TM4SF4: variants seen among roughly 807,000 people sequenced by gnomAD.
TM4SF4 encodes the protein transmembrane 4 L six family member 4, also known as transmembrane 4 L6 family member 4.
In TM4SF4, 24 loss-of-function variants were observed where a neutral mutation model predicts 24.1. The ratio of observed to expected loss-of-function variants is 1.00; its 90% confidence interval spans 0.72 to 1.40. TM4SF4 has a LOEUF of 1.40. Among genes scored for constraint, TM4SF4 ranks in the 40% most tolerant of loss-of-function variants. TM4SF4 has a pLI of 0.00. For missense variants in TM4SF4, 254 were observed against 254.2 expected (o/e 1.00, Z 0.01); for synonymous variants, 113 against 97.0 (o/e 1.17, Z -0.97).
At chr3:149,485,393 A>G (rs1320353486) in intron 2 of TM4SF4, among the ~76,000 whole-genome samples, 1 of 152,206 alleles carries the variant, frequency 6.6e-6, no homozygotes, top group Non-Finnish European at 1.5e-5. Context: ...AATGTTCTGG[A>G]TGCTGAGAGT....
Position 149,474,881 on chromosome 3 carries a change from T to C in TM4SF4, c.4T>C (p.Cys2Arg), listed in dbSNP as rs1472114202. M[C>R]TGGCARCLGG... ...ACCTGTGTCGTACCACCCCAGAATG[T>C]GCACTGGGGGCTGTGCCAGATGCCT... The change falls in exon 1 of 5, where the codon TGC (cysteine) becomes CGC (arginine). Residue 2 changes from cysteine to arginine, a missense_variant. Coordinates refer to ENST00000305354, the MANE Select transcript of TM4SF4 (RefSeq NM_004617.4). The C allele has an allele frequency of 3.1e-6, 5 of 1,611,858 alleles. No homozygotes were observed. The highest frequency in any genetic ancestry group is 4.2e-6 in the Non-Finnish European group (5 of 1,179,224).
chr3:149,501,974 T>A (rs1734435820), intron 4 of TM4SF4, among the ~76,000 whole-genome samples: 1 of 152,208 alleles, frequency 6.6e-6, no homozygotes, highest in African/African-American at 2.4e-5. Flanking sequence ...CTGTAAAATG[T>A]GGCTATTAAT....
At chr3:149,495,045 A>C (rs1165145418) in intron 3 of TM4SF4, 1 of 245,926 alleles carries the variant, frequency 4.1e-6, no homozygotes, top group African/African-American at 2.3e-5. Context: ...AGACCCATGA[A>C]CATGCCCTTC....
rs9799030 is a variant in TM4SF4 at position 149,498,842 on chromosome 3, C to T, written c.522C>T (p.Cys174=). 147,375 of 1,613,832 alleles carry T rather than the reference C, an allele frequency of 0.091. 11,719 individuals are homozygous for T. The highest frequency in any genetic ancestry group is 0.39 in the East Asian group (17,393 of 44,854). ...LVVGGIQMVL[C]AIQVVNGLLG... ...TAGGAGGAATCCAGATGGTTCTCTG[C>T]GCCATCCAGGTGGTCAATGGCCTCC... The change falls in exon 4 of 5, where the codon TGC becomes TGT. Residue 174 remains cysteine (C), a synonymous_variant. Transcript: ENST00000305354.
intron 2 of TM4SF4, among the ~76,000 whole-genome samples, chr3:149,483,229 T>C (rs1734064950): frequency 6.6e-6 from 1 of 152,198 alleles, no homozygotes; most frequent in African/African-American, 2.4e-5. Context: ...CCTAGAGTTA[T>C]ACTAGCTGTA....
intron 2 of TM4SF4, among the ~76,000 whole-genome samples, chr3:149,485,032 G>T (rs1734092972): frequency 1.3e-5 from 2 of 152,102 alleles, no homozygotes; most frequent in East Asian, 3.8e-4. Flanking sequence ...TCTTCTCTAG[G>T]CAGTACTTGG....
intron 2 of TM4SF4, 56 bp from the exon 3 acceptor site, chr3:149,487,563 G>A (rs1193535407): frequency 6.2e-7 from 1 of 1,605,924 alleles, no homozygotes; most frequent in East Asian, 2.2e-5. Context: ...TAGGTTTGTT[G>A]AGTGTATCCT....
In TM4SF4 at chr3:149,486,118, A is replaced by T. The variant is rs570812784; in HGVS notation, c.265-1501A>T. ...ATTATTACATAGATTCCAATCACCC[A>T]GGCACGATCAGGTCCTCTTCACCTT... On this transcript the variant is annotated intron_variant, in intron 2 of 4. Transcript: ENST00000305354. Among the ~76,000 whole-genome samples the T allele has an allele frequency of 6.6e-5, 10 of 152,328 alleles. No individual in the cohort carries two copies. The South Asian group carries it at 1.9e-3, about 28-fold the overall frequency.
At chr3:149,476,957 C>T (rs985104518) in intron 2 of TM4SF4, among the ~76,000 whole-genome samples, 12 of 151,532 alleles carry the variant, frequency 7.9e-5, no homozygotes, top group Non-Finnish European at 1.5e-4. Context: ...TGCCACCCCA[C>T]GCAGCTGATT....
At chr3:149,495,142 G>A (rs67483870) in intron 3 of TM4SF4, 21,574 of 239,062 alleles carry the variant, frequency 0.09, 1,889 homozygotes, top group East Asian at 0.4. Context: ...GAAGAGACAT[G>A]AGAAAATCAT....
chr3:149,501,151 C>T (rs187081344), intron 4 of TM4SF4, among the ~76,000 whole-genome samples: 5 of 152,162 alleles, frequency 3.3e-5, no homozygotes, highest in East Asian at 1.9e-4. Context: ...GGTGTCAGCA[C>T]GTTGGTTCCT....
intron 2 of TM4SF4, among the ~76,000 whole-genome samples, chr3:149,479,252 C>T (rs1733990337): frequency 6.6e-6 from 1 of 152,210 alleles, no homozygotes; most frequent in Non-Finnish European, 1.5e-5. Flanking sequence ...GGGTCCCTTC[C>T]CTGCCCCTAA....
At chr3:149,502,639 A>G (rs368400534) in intron 4 of TM4SF4, 37 bp from the exon 5 acceptor site, 16 of 1,556,126 alleles carry the variant, frequency 1.0e-5, no homozygotes, top group African/African-American at 2.7e-5. Context: ...TACATAAATC[A>G]TGACATCATA....
At chr3:149,481,683 G>A (rs1026137823) in intron 2 of TM4SF4, among the ~76,000 whole-genome samples, 1 of 152,182 alleles carries the variant, frequency 6.6e-6, no homozygotes, top group East Asian at 1.9e-4. Context: ...AGACAGCTGG[G>A]ATCTGATGGT....
intron 3 of TM4SF4, among the ~76,000 whole-genome samples, chr3:149,489,344 C>T (rs1734171406): frequency 6.6e-6 from 1 of 152,214 alleles, no homozygotes; most frequent in African/African-American, 2.4e-5. Context: ...ATTCCAGCAA[C>T]ATCAGTGCCA....
chr3:149,484,367 G>A lies in TM4SF4; in HGVS notation c.265-3252G>A, dbSNP rs551424930. 6.5e-5 allele frequency among the ~76,000 whole-genome samples: 8 copies of A among 123,288 alleles called. No individual in the cohort carries two copies. The South Asian group carries it at 1.8e-3, about 28-fold the overall frequency. 80.9% of individuals were successfully genotyped at this position (123,288 alleles called of 152,430 possible). A position where few individuals can be genotyped will look rare whatever the true frequency, so the allele number is the denominator to read the frequency against. ...ACAAGAAGTGTGCTTATTTTAGAAT[G>A]CAATTGTTTATTTATTTATTTATTT... On this transcript the variant is annotated intron_variant, in intron 2 of 4. Coordinates refer to ENST00000305354, the MANE Select transcript of TM4SF4 (RefSeq NM_004617.4).
chr3:149,499,895 C>A (rs976239310), intron 4 of TM4SF4, among the ~76,000 whole-genome samples: 2 of 152,046 alleles, frequency 1.3e-5, no homozygotes, highest in Admixed American at 1.3e-4. Flanking sequence ...TAAATAAATA[C>A]ATTTATTTTA....
intron 3 of TM4SF4, chr3:149,495,764 C>G: frequency 4.3e-6 from 1 of 230,672 alleles, no homozygotes; most frequent in Non-Finnish European, 8.8e-6. Context: ...GATCGATCAT[C>G]GTTCTAGTAA....
At chr3:149,486,149 C>A (rs1480682975) in intron 2 of TM4SF4, among the ~76,000 whole-genome samples, 1 of 152,184 alleles carries the variant, frequency 6.6e-6, no homozygotes, top group Non-Finnish European at 1.5e-5. Flanking sequence ...ACCTTCAAAC[C>A]TTACCCCATC....
Sources: gnomAD v4.1 joint callset for allele counts (sites outside exome capture counted in the v4.1 genomes callset) on GRCh38, gnomAD v4.1.1 for gene constraint, MANE v1.5 for transcripts, NCBI Gene and HGNC (gene_info 2026-07-23, HGNC 2026-07-21) for gene names.